The following CACNA1E variants were observed in gnomAD, a reference collection of about 807,000 sequenced individuals.
CACNA1E encodes the protein voltage-dependent R-type calcium channel subunit alpha-1E.
CACNA1E carries 40 observed loss-of-function variants against 259.2 expected under a neutral mutation model. The observed-to-expected ratio is 0.15, with a 90% CI of 0.12 to 0.20. The LOEUF is 0.20. Ranked by LOEUF, CACNA1E falls within the 10% of genes least tolerant of loss-of-function variation. The probability of loss-of-function intolerance (pLI) is 1.00; values close to 1 mark genes in which losing one functional copy is unlikely to be tolerated. For synonymous variants in CACNA1E, 1,104 were observed against 1,138.5 expected (o/e 0.97, Z 0.61); for missense variants, 1,874 against 3,040.1 (o/e 0.62, Z 9.02).
intron 2 of CACNA1E, among the ~76,000 whole-genome samples, chr1:181,460,104 G>A (rs1040298115): frequency 1.3e-5 from 2 of 152,174 alleles, no homozygotes; most frequent in Admixed American, 6.5e-5. Flanking sequence ...ACACTTAGAC[G>A]GAGAGGCAGG....
chr1:181,331,912 G>A (rs1444759277), intron 1 of CACNA1E, among the ~76,000 whole-genome samples: 2 of 151,992 alleles, frequency 1.3e-5, no homozygotes, highest in African/African-American at 4.8e-5. Flanking sequence ...CTTATTTCTG[G>A]GTTCTCTATT....
At chr1:181,483,387 C>G (rs1663466697), upstream of CACNA1E, 3 of 178,252 alleles carry the variant, frequency 1.7e-5, no homozygotes, top group Non-Finnish European at 3.5e-5. Context: ...GCCTACTCCA[C>G]CCCTCTCCTC....
chr1:181,735,294 C>G (rs1655932973), intron 21 of CACNA1E, among the ~76,000 whole-genome samples: 2 of 152,226 alleles, frequency 1.3e-5, no homozygotes, highest in Admixed American at 1.3e-4. Context: ...TACTCTCCCT[C>G]TGTTGTAATT....
chr1:181,560,235 T>A (rs558110030), intron 3 of CACNA1E, among the ~76,000 whole-genome samples: 1 of 151,584 alleles, frequency 6.6e-6, no homozygotes, highest in South Asian at 2.1e-4. Flanking sequence ...CTTTTTTTTT[T>A]AAGTTTTTTT....
intron 3 of CACNA1E, among the ~76,000 whole-genome samples, chr1:181,514,243 T>C (rs1482857114): frequency 6.6e-6 from 1 of 152,210 alleles, no homozygotes; most frequent in Non-Finnish European, 1.5e-5. Flanking sequence ...AATAATGGCA[T>C]GATATAGTTT....
chr1:181,669,692 C>A (rs974131357), intron 7 of CACNA1E, among the ~76,000 whole-genome samples: 4 of 152,126 alleles, frequency 2.6e-5, no homozygotes, highest in African/African-American at 7.2e-5. Context: ...CTCAAGTGAA[C>A]AAATCAAAGG....
chr1:181,718,110 G>A lies in CACNA1E; in HGVS notation c.1581G>A (p.Met527Ile). 3 of 1,611,744 alleles carry A rather than the reference G, an allele frequency of 1.9e-6. No homozygotes were observed. Among genetic ancestry groups the A allele is most frequent in the Non-Finnish European group, 2.5e-6 (3 of 1,177,952 alleles). Residue 527 changes from methionine to isoleucine, a missense_variant, in exon 12 of 48, where the codon ATG (methionine) becomes ATA (isoleucine). Met to Ile is a conservative substitution (Grantham distance 10). Transcript: ENST00000367573. ...GLFLLEMSLK[M>I]YGMGPRLYFH... ...TCCTCTTGGAGATGTCCCTGAAGAT[G>A]TATGGCATGGGGCCTCGCCTTTATT...
intron 3 of CACNA1E, among the ~76,000 whole-genome samples, chr1:181,576,694 A>C (rs1284934142): frequency 6.6e-6 from 1 of 152,186 alleles, no homozygotes; most frequent in African/African-American, 2.4e-5. Context: ...ATTGTTCTGG[A>C]GGGATTATGG....
At chr1:181,409,195 C>T (rs1007474006) in intron 1 of CACNA1E, among the ~76,000 whole-genome samples, 9 of 152,172 alleles carry the variant, frequency 5.9e-5, no homozygotes, top group African/African-American at 9.7e-5. Context: ...TTGTGTGGCA[C>T]GCAAAGCTCA....
chr1:181,344,508 G>A (rs1179835287), intron 1 of CACNA1E, among the ~76,000 whole-genome samples: 2 of 152,188 alleles, frequency 1.3e-5, no homozygotes, highest in Non-Finnish European at 2.9e-5. Flanking sequence ...CAAGGAGGAG[G>A]CAAGGAAAGA....
At chr1:181,462,304 C>T (rs2102379718) in intron 2 of CACNA1E, among the ~76,000 whole-genome samples, 1 of 152,296 alleles carries the variant, frequency 6.6e-6, no homozygotes, top group East Asian at 1.9e-4. Flanking sequence ...AGGCTGTGCA[C>T]ATATTTATGA....
intron 1 of CACNA1E, among the ~76,000 whole-genome samples, chr1:181,373,944 A>AT: frequency 6.6e-6 from 1 of 152,120 alleles, no homozygotes; most frequent in East Asian, 1.9e-4. Context: ...TTATTCTTTT[A>AT]CAAAACAAAC....
chr1:181,483,484 C>CT (rs958969809), upstream of CACNA1E: 150 of 328,456 alleles, frequency 4.6e-4, no homozygotes, highest in South Asian at 1.2e-3. Context: ...CTACCACCCG[C>CT]TTTTTTTTTC....
At chr1:181,467,835 TG>T (rs1662246967) in intron 2 of CACNA1E, among the ~76,000 whole-genome samples, 1 of 152,204 alleles carries the variant, frequency 6.6e-6, no homozygotes, top group Admixed American at 6.5e-5. Flanking sequence ...GGAGGTGATT[TG>T]GGCCCCAAGG....
At chr1:181,427,601 A>T (rs1229885205) in intron 2 of CACNA1E, among the ~76,000 whole-genome samples, 1 of 15,640 alleles carries the variant, frequency 6.4e-5, no homozygotes, top group Non-Finnish European at 1.2e-4. Context: ...CCCTTCCCCC[A>T]CCTCAACTCC....
chr1:181,480,631 C>T (rs1256587856), upstream of CACNA1E, among the ~76,000 whole-genome samples: 2 of 152,174 alleles, frequency 1.3e-5, no homozygotes, highest in African/African-American at 4.8e-5. Flanking sequence ...TCTGATGTTC[C>T]AAGAACTAAG....
At chr1:181,765,156 C>A (rs1035888725) in intron 34 of CACNA1E, among the ~76,000 whole-genome samples, 10 of 150,448 alleles carry the variant, frequency 6.6e-5, no homozygotes, top group Admixed American at 2.6e-4. Flanking sequence ...ATACCTCCCC[C>A]ACCCTCCCTA....
At chr1:181,373,807 G>GT (rs1654889741) in intron 1 of CACNA1E, among the ~76,000 whole-genome samples, 1 of 152,074 alleles carries the variant, frequency 6.6e-6, no homozygotes. Context: ...TTACAGGCAT[G>GT]GACCACCGTG....
At chr1:181,735,382 C>A (rs775503329) in intron 21 of CACNA1E, among the ~76,000 whole-genome samples, 6 of 152,258 alleles carry the variant, frequency 3.9e-5, no homozygotes, top group Non-Finnish European at 8.8e-5. Context: ...ATGACTTACT[C>A]TTTAGGAGGC....
Sources: gnomAD v4.1 joint callset for allele counts (sites outside exome capture counted in the v4.1 genomes callset) on GRCh38, gnomAD v4.1.1 for gene constraint, MANE v1.5 for transcripts, NCBI Gene and HGNC (gene_info 2026-07-23, HGNC 2026-07-21) for gene names.